RASAL2: variants seen among roughly 807,000 people sequenced by gnomAD.
RASAL2 encodes the protein ras GTPase-activating protein nGAP.
RASAL2 carries 58 observed loss-of-function variants against 128.9 expected under a neutral mutation model. The observed-to-expected ratio is 0.45, with a 90% CI of 0.36 to 0.56. The LOEUF is 0.56. Among genes scored for constraint, RASAL2 ranks in the 20% least tolerant of loss-of-function variants. The pLI, the probability that RASAL2 is intolerant of heterozygous loss-of-function variation, is 0.00. For missense variants in RASAL2, 1,360 were observed against 1,601.6 expected, an observed-to-expected ratio of 0.85 and a Z score of 2.57; for synonymous variants, 561 against 580.8, an observed-to-expected ratio of 0.97 and a Z score of 0.49.
At chr1:178,322,023 G>A (rs1015342209) in intron 3 of RASAL2, among the ~76,000 whole-genome samples, 7 of 151,824 alleles carry the variant, frequency 4.6e-5, no homozygotes, top group African/African-American at 1.7e-4. Context: ...GGTAGAGATG[G>A]GGTCTCACCG....
intron 14 of RASAL2, among the ~76,000 whole-genome samples, chr1:178,460,918 G>A (rs1159937973): frequency 6.6e-6 from 1 of 151,922 alleles, no homozygotes; most frequent in African/African-American, 2.4e-5. Flanking sequence ...GGTTCAAGCA[G>A]TTCTCCTGTC....
At chr1:178,278,342 T>A (rs1367020800) in intron 1 of RASAL2, among the ~76,000 whole-genome samples, 1 of 152,172 alleles carries the variant, frequency 6.6e-6, no homozygotes, top group Non-Finnish European at 1.5e-5. Flanking sequence ...CTTATCTGTG[T>A]GGCTGTGAGC....
chr1:178,142,153 G>T (rs554091041), intron 1 of RASAL2, among the ~76,000 whole-genome samples: 3 of 152,244 alleles, frequency 2.0e-5, no homozygotes, highest in Admixed American at 1.3e-4. Context: ...CACAGGAATA[G>T]CTAGCACTGT....
chr1:178,105,930 C>A (rs1230286493), intron 1 of RASAL2, among the ~76,000 whole-genome samples: 2 of 152,112 alleles, frequency 1.3e-5, no homozygotes, highest in Non-Finnish European at 2.9e-5. Context: ...CTTGCCCCAG[C>A]CTTCCAAAGT....
rs201716461 is a variant in RASAL2, at chr1:178,284,736, TA to T, written c.330+1052del. Among the ~76,000 whole-genome samples the T allele has an allele frequency of 6.2e-4, 95 of 152,042 alleles. 1 individual carries two copies. Among genetic ancestry groups the T allele is most frequent in the African/African-American group, 2.2e-3 (91 of 41,468 alleles). On this transcript the variant is annotated intron_variant, in intron 2 of 17. Transcript: ENST00000367649. The stretch of plus-strand genomic sequence containing the variant: ...ATCATAATTCCCAATTTCCACCATA[TA>T]AAAAAATAAGTGAATATAATATTGA...
At chr1:178,288,084 T>C (rs1279096912) in intron 2 of RASAL2, among the ~76,000 whole-genome samples, 1 of 152,132 alleles carries the variant, frequency 6.6e-6, no homozygotes, top group Non-Finnish European at 1.5e-5. Context: ...AATCATAACA[T>C]AGGAAAAGAA....
At chr1:178,276,743 A>G (rs1206661901) in intron 1 of RASAL2, among the ~76,000 whole-genome samples, 2 of 152,138 alleles carry the variant, frequency 1.3e-5, no homozygotes, top group African/African-American at 2.4e-5. Flanking sequence ...TTCTTCTATT[A>G]TATCAGAAAT....
At chr1:178,278,510 T>C (rs1666631611) in intron 1 of RASAL2, among the ~76,000 whole-genome samples, 1 of 152,182 alleles carries the variant, frequency 6.6e-6, no homozygotes, top group African/African-American at 2.4e-5. Flanking sequence ...ATTTTACCAA[T>C]TGCATTTAAC....
rs2102910218 is a variant in RASAL2, at chr1:178,457,846, G to C, written c.2554G>C (p.Asp852His). Reference sequence around the variant, plus strand: ...TAATGGTCGGAGCGTCTCCCTCATGGACCTCCAGGACACTCATGCTGCTCA... The same window carrying C: ...TAATGGTCGGAGCGTCTCCCTCATGCACCTCCAGGACACTCATGCTGCTCA... ...LPNGRSVSLM[D>H]LQDTHAAQVE... The change falls in exon 14 of 18, where the codon GAC (aspartate) becomes CAC (histidine). Residue 852 changes from aspartate to histidine, a missense_variant. Asp to His is a moderately conservative substitution (Grantham distance 81). Coordinates refer to ENST00000367649, the MANE Select transcript of RASAL2 (RefSeq NM_170692.4). 1 of 1,614,168 alleles carries C rather than the reference G, an allele frequency of 6.2e-7. No homozygotes were observed. The highest frequency in any genetic ancestry group is 2.2e-5 in the East Asian group (1 of 44,874).
chr1:178,136,271 A>G (rs890100790), intron 1 of RASAL2, among the ~76,000 whole-genome samples: 3 of 152,176 alleles, frequency 2.0e-5, no homozygotes, highest in African/African-American at 7.2e-5. Context: ...TAGCAGAAAG[A>G]TTGTAGGCTT....
chr1:178,397,424 A>G (rs1330263478), intron 4 of RASAL2, among the ~76,000 whole-genome samples: 1 of 152,214 alleles, frequency 6.6e-6, no homozygotes, highest in Non-Finnish European at 1.5e-5. Flanking sequence ...CAGAATAGGC[A>G]AATCTATACA....
chr1:178,319,355 G>A (rs1668639006), intron 3 of RASAL2, among the ~76,000 whole-genome samples: 1 of 151,722 alleles, frequency 6.6e-6, no homozygotes, highest in Admixed American at 6.6e-5. Flanking sequence ...TGCTAGATTG[G>A]GGAAGTTCTC....
intron 1 of RASAL2, among the ~76,000 whole-genome samples, chr1:178,108,538 T>G (rs1659182672): frequency 6.6e-6 from 1 of 152,212 alleles, no homozygotes; most frequent in Admixed American, 6.5e-5. Flanking sequence ...GATGAGGAAT[T>G]AGAGGCATAA....
At chr1:178,098,464 C>T (rs914365123) in intron 1 of RASAL2, among the ~76,000 whole-genome samples, 2 of 152,222 alleles carry the variant, frequency 1.3e-5, no homozygotes, top group African/African-American at 4.8e-5. Flanking sequence ...CAAAGCCAGC[C>T]TCACTGTCTG....
rs534795610 is a variant in RASAL2, at chr1:178,231,433, A to G, written c.203-52131A>G. Among the ~76,000 whole-genome samples the G allele has an allele frequency of 3.9e-5, 6 of 152,316 alleles. No homozygotes were observed. In the East Asian group the frequency reaches 1.2e-3, roughly 29 times the overall value. ...ATAGAAGTTCTTTGTATATTCTGGT[A>G]TAAATTATTTGAAATGTTTGTATTG... On this transcript the variant is annotated intron_variant, in intron 1 of 17. Transcript: ENST00000367649.
intron 1 of RASAL2, among the ~76,000 whole-genome samples, chr1:178,225,246 T>C (rs1663745519): frequency 6.6e-6 from 1 of 151,884 alleles, no homozygotes; most frequent in Non-Finnish European, 1.5e-5. Flanking sequence ...ATATATATTT[T>C]TACTTAACTT....
intron 1 of RASAL2, among the ~76,000 whole-genome samples, chr1:178,178,027 T>G (rs1661953246): frequency 6.6e-6 from 1 of 152,176 alleles, no homozygotes; most frequent in African/African-American, 2.4e-5. Flanking sequence ...AAATTTCGTA[T>G]TGAGTGTTGC....
At chr1:178,395,820 T>G (rs1266199189) in intron 4 of RASAL2, among the ~76,000 whole-genome samples, 2 of 149,590 alleles carry the variant, frequency 1.3e-5, no homozygotes, top group Non-Finnish European at 3.0e-5. Context: ...TATGAATGTA[T>G]AGATATGAGT....
intron 1 of RASAL2, among the ~76,000 whole-genome samples, chr1:178,182,217 T>C (rs902404014): frequency 7.9e-5 from 12 of 152,212 alleles, no homozygotes; most frequent in African/African-American, 2.9e-4. Context: ...TTGTTCTAGC[T>C]TTAGCCATTG....
Sources: gnomAD v4.1 joint callset for allele counts (sites outside exome capture counted in the v4.1 genomes callset) on GRCh38, gnomAD v4.1.1 for gene constraint, MANE v1.5 for transcripts, NCBI Gene and HGNC (gene_info 2026-07-23, HGNC 2026-07-21) for gene names.